LRTM1: variants seen among roughly 807,000 people sequenced by gnomAD.
LRTM1 encodes leucine-rich repeat and transmembrane domain-containing protein 1.
A neutral mutation model predicts 32.4 loss-of-function variants in LRTM1; 38 were observed. The observed-to-expected ratio is 1.17, with a 90% CI of 0.91 to 1.54. LRTM1 has a LOEUF of 1.54. Ranked by LOEUF, LRTM1 falls within the 40% of genes most tolerant of loss-of-function variation. The pLI is 0.00. For missense variants in LRTM1, 466 were observed against 415.4 expected, an observed-to-expected ratio of 1.12 and a Z score of -1.06; for synonymous variants, 186 against 169.9, an observed-to-expected ratio of 1.09 and a Z score of -0.74.
upstream of LRTM1, among the ~76,000 whole-genome samples, chr3:54,929,627 T>C (rs1477166547): frequency 1.3e-5 from 2 of 151,512 alleles, no homozygotes; most frequent in East Asian, 3.9e-4. Context: ...TTTGTCCTTC[T>C]CTCCAACATT....
intron 1 of LRTM1, among the ~76,000 whole-genome samples, chr3:54,965,310 G>A (rs1256158879): frequency 6.6e-6 from 1 of 152,060 alleles, no homozygotes; most frequent in African/African-American, 2.4e-5. Context: ...GAACAACTGG[G>A]TCCCCGTTCC....
intron 1 of LRTM1, among the ~76,000 whole-genome samples, chr3:54,958,646 T>G (rs1376129562): frequency 6.6e-6 from 1 of 152,136 alleles, no homozygotes; most frequent in Non-Finnish European, 1.5e-5. Flanking sequence ...ATGAAAGTCA[T>G]GTTGATGGAG....
Position 54,940,197 on chromosome 3 carries a change from T to C in LRTM1, c.-221-14982A>G, listed in dbSNP as rs73067716. Among the ~76,000 whole-genome samples, 653 of 152,284 alleles carry C rather than the reference T, an allele frequency of 4.3e-3. 1 individual carries two copies. Among genetic ancestry groups the C allele is most frequent in the Non-Finnish European group, 7.2e-3 (489 of 68,026 alleles). Reference sequence around the variant, plus strand: ...TGCCTGGAGACAGATTAGCTAACTTTTGAGACATGTGCACAGTTTTAAAAG... The same window carrying C: ...TGCCTGGAGACAGATTAGCTAACTTCTGAGACATGTGCACAGTTTTAAAAG... On this transcript the variant is annotated intron_variant, in intron 1 of 2. Transcript: ENST00000493075.
chr3:54,928,867 G>A (rs919378079), upstream of LRTM1, among the ~76,000 whole-genome samples: 3 of 152,166 alleles, frequency 2.0e-5, no homozygotes, highest in Non-Finnish European at 2.9e-5. Context: ...TCAGGCGTCA[G>A]TCGACTGTGA....
intron 2 of LRTM1, among the ~76,000 whole-genome samples, chr3:54,923,781 ATCTTGG>A (rs1242913230): frequency 6.6e-6 from 1 of 152,180 alleles, no homozygotes; most frequent in Non-Finnish European, 1.5e-5. Context: ...CTGCTCTGTG[ATCTTGG>A]GCAAGTCACT....
chr3:54,966,636 T>C (rs1443734808), intron 1 of LRTM1, among the ~76,000 whole-genome samples: 11 of 152,150 alleles, frequency 7.2e-5, no homozygotes, highest in Admixed American at 7.2e-4. Context: ...CTGGCTAACA[T>C]GGTGAAACTT....
intron 1 of LRTM1, among the ~76,000 whole-genome samples, chr3:54,964,038 C>T (rs1702090099): frequency 1.3e-5 from 2 of 152,264 alleles, no homozygotes; most frequent in Middle Eastern, 3.4e-3. Flanking sequence ...CTGAATATTT[C>T]ACATGAAAGG....
At chr3:54,956,238 G>A (rs1382615821) in intron 1 of LRTM1, among the ~76,000 whole-genome samples, 2 of 152,206 alleles carry the variant, frequency 1.3e-5, no homozygotes, top group South Asian at 2.1e-4. Flanking sequence ...GCCTTGCCAG[G>A]CTGCCTTGCT....
intron 1 of LRTM1, among the ~76,000 whole-genome samples, chr3:54,945,410 G>A (rs764800102): frequency 8.6e-5 from 13 of 152,008 alleles, no homozygotes; most frequent in Non-Finnish European, 1.8e-4. Flanking sequence ...TCTCTTTTTT[G>A]ACCTCTCTCT....
At chr3:54,933,859 C>T (rs1032992622) in intron 1 of LRTM1, among the ~76,000 whole-genome samples, 13 of 151,874 alleles carry the variant, frequency 8.6e-5, no homozygotes, top group Non-Finnish European at 1.8e-4. Flanking sequence ...ACCTCCACCT[C>T]CCAGGTTCAA....
Position 54,918,708 on chromosome 3 carries a change from C to A in LRTM1, c.789G>T (p.Ala263=). The change falls in exon 3 of 3, where the codon GCG becomes GCT. Residue 263 remains alanine, a synonymous_variant. Transcript: ENST00000273286. ...CGCACTCCAAGAGTTCTCGCTCCCC[C>A]GCGTTGTGGTTCTCAGGAGGCCTCA... is the stretch of plus-strand genomic sequence containing the variant. ...VVLRPPENHN[A]GERELLECEL... 1 of 1,614,132 alleles carries A rather than the reference C, an allele frequency of 6.2e-7. No individual in the cohort carries two copies. Among genetic ancestry groups the A allele is most frequent in the Non-Finnish European group, 8.5e-7 (1 of 1,180,008 alleles).
In LRTM1 at chr3:54,960,242, A is replaced by G. The variant is rs373704320; in HGVS notation, c.-222+6686T>C. On this transcript the variant is annotated intron_variant, in intron 1 of 2. Transcript: ENST00000493075. ...AAAATCTTCTGCTGCGGCCTTGTCA[A>G]TGGTGTGATAATGTGAGCTATTTCT... Among the ~76,000 whole-genome samples the G allele has an allele frequency of 2.0e-5, 3 of 152,132 alleles. No individual in the cohort carries two copies. In the East Asian group the frequency reaches 5.8e-4, roughly 29 times the overall value.
intron 1 of LRTM1, among the ~76,000 whole-genome samples, chr3:54,950,664 T>C (rs1285395313): frequency 1.3e-5 from 2 of 152,136 alleles, no homozygotes; most frequent in Non-Finnish European, 2.9e-5. Context: ...GTTTTCCTTA[T>C]CTAGGACCCA....
intron 1 of LRTM1, among the ~76,000 whole-genome samples, chr3:54,942,910 G>A (rs961326505): frequency 3.9e-5 from 6 of 152,158 alleles, no homozygotes; most frequent in Non-Finnish European, 7.3e-5. Context: ...TGTAGTCCCA[G>A]CTACTCAGGA....
At chr3:54,932,080 G>T (rs980555408), upstream of LRTM1, among the ~76,000 whole-genome samples, 1 of 152,132 alleles carries the variant, frequency 6.6e-6, no homozygotes, top group African/African-American at 2.4e-5. Flanking sequence ...TACTCGGGAG[G>T]CTGAGGTAGG....
In LRTM1 at chr3:54,928,001, C is replaced by T. The variant is rs1701076282; in HGVS notation, c.-90G>A. The T allele has an allele frequency of 8.4e-7, 1 of 1,197,470 alleles. No individual in the cohort carries two copies. The highest frequency in any genetic ancestry group is 1.2e-5 in the South Asian group (1 of 80,870). 74.2% of individuals were successfully genotyped at this position (1,197,470 alleles called of 1,614,324 possible). A position where few individuals can be genotyped will look rare whatever the true frequency, so the allele number is the denominator to read the frequency against. On this transcript the variant is annotated 5_prime_UTR_variant, in exon 1 of 3. Transcript: ENST00000273286. ...CACGAAGGGCATGGCAGACTCAGAG[C>T]CCAGCTTTACATTCAGTCTTTCTGA...
intron 1 of LRTM1, among the ~76,000 whole-genome samples, chr3:54,943,680 T>C (rs1701535648): frequency 6.6e-6 from 1 of 152,206 alleles, no homozygotes; most frequent in Non-Finnish European, 1.5e-5. Flanking sequence ...GTCTCAAATA[T>C]GTATTACTAC....
chr3:54,932,397 C>G (rs1472289450), upstream of LRTM1, among the ~76,000 whole-genome samples: 1 of 151,956 alleles, frequency 6.6e-6, no homozygotes, highest in Admixed American at 6.6e-5. Flanking sequence ...AGGTCAGTCA[C>G]CAAACTGATA....
At chr3:54,954,256 G>A (rs1486746520) in intron 1 of LRTM1, among the ~76,000 whole-genome samples, 1 of 152,166 alleles carries the variant, frequency 6.6e-6, no homozygotes, top group Non-Finnish European at 1.5e-5. Context: ...CGAGTCAGTC[G>A]GCAGCTCCCT....
Sources: allele counts gnomAD v4.1 joint callset (sites outside exome capture counted in the v4.1 genomes callset), GRCh38; gene constraint gnomAD v4.1.1; transcripts MANE v1.5; gene names NCBI Gene and HGNC (gene_info 2026-07-23, HGNC 2026-07-21).